The following CKS1B variants were observed in gnomAD, a reference collection of about 807,000 sequenced individuals.
CKS1B encodes cyclin-dependent kinases regulatory subunit 1.
CKS1B carries 5 observed loss-of-function variants against 12.2 expected under a neutral mutation model. That is an observed-to-expected ratio of 0.41 (90% CI 0.21 to 0.86). CKS1B has a LOEUF of 0.86. Ranked by LOEUF, CKS1B falls within the 40% of genes least tolerant of loss-of-function variation. The pLI, the probability that CKS1B is intolerant of heterozygous loss-of-function variation, is 0.32. For missense variants in CKS1B, 53 were observed against 99.9 expected, an observed-to-expected ratio of 0.53 and a Z score of 2.00; for synonymous variants, 24 against 34.4, an observed-to-expected ratio of 0.70 and a Z score of 1.06.
rs138056567 is a variant in CKS1B at position 154,978,349 on chromosome 1, G to A, written c.187+235G>A. On this transcript the variant is annotated intron_variant, in intron 2 of 2. Transcript: ENST00000308987. The stretch of plus-strand genomic sequence containing the variant: ...TCCTGTAATCTTTCATTCAATCAGA[G>A]GGTATTCTTTTTAAGGCCACATATA... 1,728 of 550,280 alleles carry A rather than the reference G, an allele frequency of 3.1e-3. 22 individuals are homozygous for A. Among genetic ancestry groups the A allele is most frequent in the African/African-American group, 0.029 (1,490 of 51,980 alleles). 34.1% of individuals were successfully genotyped at this position (550,280 alleles called of 1,614,324 possible). A position where few individuals can be genotyped will look rare whatever the true frequency, so the allele number is the denominator to read the frequency against.
At chr1:154,975,236 T>G in intron 1 of CKS1B, 4 of 518,548 alleles carry the variant, frequency 7.7e-6, no homozygotes, top group East Asian at 3.4e-5. Context: ...GAGTTGAATA[T>G]TGCTTATTAA....
At chr1:154,976,090 C>G (rs1407110346) in intron 1 of CKS1B, among the ~76,000 whole-genome samples, 4 of 151,880 alleles carry the variant, frequency 2.6e-5, no homozygotes, top group African/African-American at 9.7e-5. Context: ...ACTTAAAATA[C>G]TGAGAGGAAA....
Position 154,978,848 on chromosome 1 carries a change from AT to A in CKS1B, c.*73del. The A allele has an allele frequency of 1.1e-6, 1 of 910,714 alleles. No homozygotes were observed. The highest frequency in any genetic ancestry group is 1.8e-6 in the Non-Finnish European group (1 of 558,250). The allele number at this position is 910,714 out of a possible 1,614,324, so 56.4% of individuals were successfully genotyped here. A position where few individuals can be genotyped will look rare whatever the true frequency, so the allele number is the denominator to read the frequency against. On this transcript the variant is annotated 3_prime_UTR_variant, in exon 3 of 3. Transcript: ENST00000308987. Reference sequence around the variant, plus strand: ...TACTTCCTAACATCTTTCTGATAACATTATTATGTTGCCTTCTTGTTTCTCA... The same window carrying A: ...TACTTCCTAACATCTTTCTGATAACATATTATGTTGCCTTCTTGTTTCTCA...
intron 1 of CKS1B, among the ~76,000 whole-genome samples, chr1:154,976,794 T>G (rs1205206392): frequency 1.3e-5 from 2 of 152,174 alleles, no homozygotes; most frequent in Non-Finnish European, 2.9e-5. Flanking sequence ...TGGACTAGAA[T>G]TTTTTCTTTT....
intron 1 of CKS1B, 164 bp from the exon 2 acceptor site, chr1:154,977,823 C>T: frequency 1.6e-6 from 1 of 629,470 alleles, no homozygotes. Flanking sequence ...ATTTATATAA[C>T]ATAGCCTGTA....
chr1:154,975,808 C>T lies in CKS1B; in HGVS notation c.59+1004C>T, dbSNP rs553580628. On this transcript the variant is annotated intron_variant, in intron 1 of 2. Transcript: ENST00000308987. ...CCTAAGGGCCAATTCAGCGTGATGT[C>T]TCTTTCACCACCATTGAAAACGAAA... 3 of 154,874 alleles carry T rather than the reference C, an allele frequency of 1.9e-5. No homozygotes were observed. The South Asian group carries it at 6.1e-4, about 32-fold the overall frequency. 9.6% of individuals were successfully genotyped at this position (154,874 alleles called of 1,614,324 possible).
At chr1:154,975,574 G>A (rs1224884487) in intron 1 of CKS1B, 1 of 154,990 alleles carries the variant, frequency 6.5e-6, no homozygotes, top group African/African-American at 2.4e-5. Flanking sequence ...CTAAGGAGAG[G>A]GAACTGGCGA....
rs561349305 is a variant in CKS1B, at chr1:154,976,868, C to G, written c.60-1119C>G. Among the ~76,000 whole-genome samples, 5 of 152,264 alleles carry G rather than the reference C, an allele frequency of 3.3e-5. 1 individual carries two copies. In the East Asian group the frequency reaches 9.6e-4, roughly 29 times the overall value. ...GAGAACTTAGTACATTTTCATTGAGCATGACGAAGACTATGTGGATTAGTT... is the reference window on the plus strand; with the variant it reads ...GAGAACTTAGTACATTTTCATTGAGGATGACGAAGACTATGTGGATTAGTT... On this transcript the variant is annotated intron_variant, in intron 1 of 2. Transcript: ENST00000308987.
In CKS1B at chr1:154,974,799, G is replaced by A. The variant is rs773052052; in HGVS notation, c.54G>A (p.Glu18=). The change falls in exon 1 of 3, where the codon GAG becomes GAA. Residue 18 remains glutamate, a synonymous_variant. Transcript: ENST00000308987. ...ACAAATACGACGACGAGGAGTTTGA[G>A]TATCGGTTAGTGCTGGCGCGGGAGC... ...YSDKYDDEEF[E]YRHVMLPKDI... 20 of 1,614,050 alleles carry A rather than the reference G, an allele frequency of 1.2e-5. No homozygotes were observed. The South Asian group carries it at 2.2e-4, about 18-fold the overall frequency.
chr1:154,974,713 G>A lies in CKS1B; in HGVS notation c.-33G>A. ...GTTGGGAGTTGCTTGGAGGTTGGCG[G>A]CGCGGGGCTGAAGGCTAGCAAACCG... On this transcript the variant is annotated 5_prime_UTR_variant, in exon 1 of 3. Transcript: ENST00000308987. 6.4e-7 allele frequency: 1 copy of A among 1,564,460 alleles called. No homozygotes were observed. The highest frequency in any genetic ancestry group is 8.7e-7 in the Non-Finnish European group (1 of 1,154,456).
chr1:154,978,839 T>C lies in CKS1B; in HGVS notation c.*62T>C, dbSNP rs988464901. 3.1e-5 allele frequency: 30 copies of C among 964,624 alleles called. No homozygotes were observed. The Admixed American group carries it at 5.6e-4, about 18-fold the overall frequency. The allele number at this position is 964,624 out of a possible 1,614,324, so 59.8% of individuals were successfully genotyped here. A position where few individuals can be genotyped will look rare whatever the true frequency, so the allele number is the denominator to read the frequency against. ...AGCTGTCCTTACTTCCTAACATCTTTCTGATAACATTATTATGTTGCCTTC... is the reference window on the plus strand; with the variant it reads ...AGCTGTCCTTACTTCCTAACATCTTCCTGATAACATTATTATGTTGCCTTC... On this transcript the variant is annotated 3_prime_UTR_variant, in exon 3 of 3. Coordinates refer to ENST00000308987, the MANE Select transcript of CKS1B (RefSeq NM_001826.3).
At chr1:154,974,938 T>TGTGGAAG (rs1558068025) in intron 1 of CKS1B, 134 bp downstream of exon 1, 1 of 1,613,444 alleles carries the variant, frequency 6.2e-7, no homozygotes, top group African/African-American at 1.3e-5. Flanking sequence ...GGTGTGATAT[T>TGTGGAAG]GTGGAAGGCG....
chr1:154,976,742 G>A (rs114741385), intron 1 of CKS1B, among the ~76,000 whole-genome samples: 2,113 of 152,276 alleles, frequency 0.014, 41 homozygotes, highest in African/African-American at 0.048. Flanking sequence ...GCCAAATTTC[G>A]TGCCAGGGTG....
rs767101831 is a variant in CKS1B at position 154,978,818 on chromosome 1, G to T, written c.*41G>T. The T allele has an allele frequency of 2.5e-6, 3 of 1,201,284 alleles. No homozygotes were observed. The highest frequency in any genetic ancestry group is 3.7e-6 in the Non-Finnish European group (3 of 808,402). 74.4% of individuals were successfully genotyped at this position (1,201,284 alleles called of 1,614,324 possible). A position where few individuals can be genotyped will look rare whatever the true frequency, so the allele number is the denominator to read the frequency against. Reference sequence around the variant, plus strand: ...TTTCAGCCTCAAGCTTTACACAGCTGTCCTTACTTCCTAACATCTTTCTGA... The same window carrying T: ...TTTCAGCCTCAAGCTTTACACAGCTTTCCTTACTTCCTAACATCTTTCTGA... On this transcript the variant is annotated 3_prime_UTR_variant, in exon 3 of 3. Transcript: ENST00000308987.
Position 154,977,921 on chromosome 1 carries a change from G to C in CKS1B, c.60-66G>C. 2.0e-6 allele frequency: 3 copies of C among 1,466,592 alleles called. 1 individual carries two copies. In the South Asian group the frequency reaches 4.2e-5, roughly 21 times the overall value. 90.8% of individuals were successfully genotyped at this position (1,466,592 alleles called of 1,614,324 possible). A position where few individuals can be genotyped will look rare whatever the true frequency, so the allele number is the denominator to read the frequency against. ...CTTTCCTTTCTTGGCCTTGTAAACA[G>C]GCATTTGTCTAAGAGACTGTATCTG... is the stretch of plus-strand genomic sequence containing the variant. On this transcript the variant is annotated intron_variant, in intron 1 of 2. Coordinates refer to ENST00000308987, the MANE Select transcript of CKS1B (RefSeq NM_001826.3).
intron 2 of CKS1B, chr1:154,978,444 A>T (rs1438665878): frequency 1.1e-5 from 6 of 553,008 alleles, no homozygotes; most frequent in Admixed American, 3.5e-5. Context: ...AAGCAAAGGA[A>T]AGTATATTTA....
chr1:154,974,689 T>C lies in CKS1B; in HGVS notation c.-57T>C. 2.6e-6 allele frequency: 4 copies of C among 1,550,738 alleles called. No individual in the cohort carries two copies. The highest frequency in any genetic ancestry group is 1.7e-6 in the Non-Finnish European group (2 of 1,145,844). On this transcript the variant is annotated 5_prime_UTR_variant, in exon 1 of 3. Transcript: ENST00000308987. ...CCAAAGTGGGTGGGAGCGCGTGCTG[T>C]TGGGAGTTGCTTGGAGGTTGGCGGC...
chr1:154,974,814 G>A lies in CKS1B; in HGVS notation c.59+10G>A. On this transcript the variant is annotated intron_variant, in intron 1 of 2. Coordinates refer to ENST00000308987, the MANE Select transcript of CKS1B (RefSeq NM_001826.3). ...AGGAGTTTGAGTATCGGTTAGTGCTGGCGCGGGAGCAATAGCGAGGGTCGT... is the reference window on the plus strand; with the variant it reads ...AGGAGTTTGAGTATCGGTTAGTGCTAGCGCGGGAGCAATAGCGAGGGTCGT... 1.9e-6 allele frequency: 3 copies of A among 1,614,074 alleles called. No homozygotes were observed. Among genetic ancestry groups the A allele is most frequent in the Non-Finnish European group, 2.5e-6 (3 of 1,179,940 alleles).
chr1:154,978,349 G>T, intron 2 of CKS1B: 1 of 550,282 alleles, frequency 1.8e-6, no homozygotes, highest in South Asian at 2.6e-5. Context: ...TTCAATCAGA[G>T]GGTATTCTTT....
Sources: gnomAD v4.1 joint callset for allele counts (sites outside exome capture counted in the v4.1 genomes callset) on GRCh38, gnomAD v4.1.1 for gene constraint, MANE v1.5 for transcripts, NCBI Gene and HGNC (gene_info 2026-07-23, HGNC 2026-07-21) for gene names.